Variants in NRG1 observed in about 807,000 individuals in gnomAD.
The protein encoded by NRG1 is pro-neuregulin-1, membrane-bound isoform.
NRG1 carries 18 observed loss-of-function variants against 63.8 expected under a neutral mutation model. That is an observed-to-expected ratio of 0.28 (90% CI 0.19 to 0.42). The LOEUF (loss-of-function observed/expected upper bound fraction) is 0.42, where lower values mean the gene tolerates loss of function less well. Among genes scored for constraint, NRG1 ranks in the 10% least tolerant of loss-of-function variants. The pLI is 1.00. For missense variants in NRG1, 762 were observed against 814.7 expected (o/e 0.94, Z 0.79); for synonymous variants, 302 against 301.3 (o/e 1.00, Z -0.02).
intron 5 of NRG1, among the ~76,000 whole-genome samples, chr8:32,680,440 A>C (rs1207003520): frequency 6.6e-6 from 1 of 152,160 alleles, no homozygotes; most frequent in Non-Finnish European, 1.5e-5. Context: ...TAGTAAATTG[A>C]TTCTGTATGC....
intron 1 of NRG1, among the ~76,000 whole-genome samples, chr8:31,791,205 CAAA>C (rs35966484): frequency 3.0e-5 from 3 of 98,684 alleles, no homozygotes; most frequent in Non-Finnish European, 4.3e-5. Context: ...GAAACTGTGC[CAAA>C]AAAAAAAAAA....
intron 1 of NRG1, among the ~76,000 whole-genome samples, chr8:32,428,806 A>G (rs1286058808): frequency 6.6e-6 from 1 of 152,172 alleles, no homozygotes; most frequent in Non-Finnish European, 1.5e-5. Context: ...CCTCCCTTGA[A>G]GATGTCTTTT....
intron 1 of NRG1, among the ~76,000 whole-genome samples, chr8:31,794,474 T>C (rs1330680129): frequency 2.0e-5 from 3 of 151,148 alleles, no homozygotes; most frequent in Non-Finnish European, 1.5e-5. Context: ...GGAAACTGTG[T>C]AAATAAATAT....
intron 1 of NRG1, among the ~76,000 whole-genome samples, chr8:31,831,557 T>C (rs1034779667): frequency 1.3e-5 from 2 of 152,210 alleles, no homozygotes; most frequent in East Asian, 3.9e-4. Flanking sequence ...TATATCCTTA[T>C]AATAGTCATA....
At chr8:32,617,551 A>G (rs1847596915) in intron 5 of NRG1, among the ~76,000 whole-genome samples, 1 of 152,226 alleles carries the variant, frequency 6.6e-6, no homozygotes, top group South Asian at 2.1e-4. Flanking sequence ...AGAGTTTTTG[A>G]TACTTATAAA....
chr8:31,865,953 G>A (rs972260130), intron 1 of NRG1, among the ~76,000 whole-genome samples: 17 of 152,226 alleles, frequency 1.1e-4, no homozygotes, highest in Non-Finnish European at 1.9e-4. Context: ...GATGCTCCAC[G>A]TTGAGGGAGC....
chr8:31,998,943 T>C (rs545478539), intron 1 of NRG1, among the ~76,000 whole-genome samples: 4 of 152,152 alleles, frequency 2.6e-5, no homozygotes, highest in Admixed American at 2.6e-4. Flanking sequence ...CAGATGAGAA[T>C]TTCAGATTCT....
At chr8:32,059,005 T>G (rs1395049675) in intron 1 of NRG1, among the ~76,000 whole-genome samples, 2 of 152,070 alleles carry the variant, frequency 1.3e-5, no homozygotes, top group Non-Finnish European at 2.9e-5. Flanking sequence ...TAAACAGTAT[T>G]AACATTATTA....
At chr8:32,302,756 ATT>A (rs1326972701) in intron 1 of NRG1, among the ~76,000 whole-genome samples, 1 of 134,780 alleles carries the variant, frequency 7.4e-6, no homozygotes, top group South Asian at 2.6e-4. Flanking sequence ...CCATATGCCA[ATT>A]TTTTTCTTTG....
intron 1 of NRG1, among the ~76,000 whole-genome samples, chr8:31,736,365 C>T (rs1199940920): frequency 6.6e-6 from 1 of 152,244 alleles, no homozygotes; most frequent in Non-Finnish European, 1.5e-5. Context: ...AGCTAGAATC[C>T]ACTCTGCACC....
At chr8:32,479,254 T>C (rs947531726) in intron 1 of NRG1, among the ~76,000 whole-genome samples, 5 of 152,006 alleles carry the variant, frequency 3.3e-5, no homozygotes, top group Non-Finnish European at 7.4e-5. Context: ...GGCAGGTGGA[T>C]CACCTGAGGT....
intron 1 of NRG1, among the ~76,000 whole-genome samples, chr8:31,991,854 T>A (rs1341256691): frequency 6.6e-6 from 1 of 152,060 alleles, no homozygotes; most frequent in East Asian, 1.9e-4. Context: ...ATTGAAAATT[T>A]CTCTATGCTT....
At chr8:31,741,208 G>A (rs1340714800) in intron 1 of NRG1, among the ~76,000 whole-genome samples, 3 of 151,906 alleles carry the variant, frequency 2.0e-5, no homozygotes, top group Non-Finnish European at 2.9e-5. Context: ...GAGACTCTGG[G>A]GACCCTTAGG....
intron 1 of NRG1, among the ~76,000 whole-genome samples, chr8:32,511,759 T>C (rs1020458669): frequency 7.9e-5 from 12 of 152,058 alleles, no homozygotes; most frequent in African/African-American, 2.7e-4. Context: ...ATAAATATAC[T>C]CTGTGAAGGC....
chr8:31,911,469 C>G lies in NRG1; in HGVS notation c.37+272038C>G, dbSNP rs149339069. Among the ~76,000 whole-genome samples the G allele has an allele frequency of 2.8e-4, 42 of 152,212 alleles. 2 individuals are homozygous for G. The highest frequency in any genetic ancestry group is 2.7e-3 in the South Asian group (13 of 4,822). On this transcript the variant is annotated intron_variant, in intron 1 of 10. Coordinates refer to the NRG1 transcript ENST00000519301. ...TGGAGCTGGAGGCCATTGACCTTAC[C>G]AAACTATTGCAGGAACAGAAAACTA...
At chr8:32,000,106 G>A (rs1812677711) in intron 1 of NRG1, among the ~76,000 whole-genome samples, 1 of 152,030 alleles carries the variant, frequency 6.6e-6, no homozygotes, top group African/African-American at 2.4e-5. Context: ...GTTTGCAGAA[G>A]TCAGATTGTC....
chr8:31,714,881 C>T (rs1462744383), intron 1 of NRG1, among the ~76,000 whole-genome samples: 3 of 152,146 alleles, frequency 2.0e-5, no homozygotes, highest in Non-Finnish European at 2.9e-5. Context: ...AACTGTTCTA[C>T]CATGAATAGG....
intron 1 of NRG1, among the ~76,000 whole-genome samples, chr8:32,112,121 C>A (rs1317976532): frequency 1.3e-5 from 2 of 152,162 alleles, no homozygotes; most frequent in African/African-American, 4.8e-5. Context: ...GCAATGCTCA[C>A]AAGACAGATC....
At chr8:32,167,944 C>T (rs1839574638) in intron 1 of NRG1, among the ~76,000 whole-genome samples, 1 of 152,058 alleles carries the variant, frequency 6.6e-6, no homozygotes, top group Non-Finnish European at 1.5e-5. Context: ...AGCAGCTTGC[C>T]CCTCCCTCTG....
Sources: allele counts gnomAD v4.1 joint callset (sites outside exome capture counted in the v4.1 genomes callset), GRCh38; gene constraint gnomAD v4.1.1; transcripts MANE v1.5; gene names NCBI Gene and HGNC (gene_info 2026-07-23, HGNC 2026-07-21).